SEL1L3: variants seen among roughly 807,000 people sequenced by gnomAD.
SEL1L3 encodes protein sel-1 homolog 3.
A neutral mutation model predicts 142.8 loss-of-function variants in SEL1L3; 76 were observed. The observed-to-expected ratio is 0.53, with a 90% CI of 0.44 to 0.64. The LOEUF (loss-of-function observed/expected upper bound fraction) is 0.64. Ranked by LOEUF, SEL1L3 falls within the 30% of genes least tolerant of loss-of-function variation. The pLI is 0.00. For synonymous variants in SEL1L3, 504 were observed against 519.6 expected (o/e 0.97, Z 0.41); for missense variants, 1,262 against 1,381.7 (o/e 0.91, Z 1.37).
intron 5 of SEL1L3, among the ~76,000 whole-genome samples, chr4:25,830,589 T>C (rs1018059426): frequency 6.6e-6 from 1 of 152,186 alleles, no homozygotes; most frequent in Non-Finnish European, 1.5e-5. Context: ...CCCACCTCCC[T>C]TTCCCTAAGC....
At chr4:25,794,057 A>G (rs983381306) in intron 11 of SEL1L3, among the ~76,000 whole-genome samples, 37 of 152,366 alleles carry the variant, frequency 2.4e-4, no homozygotes, top group African/African-American at 8.2e-4. Flanking sequence ...TGTAAAACCC[A>G]AAACTACAAA....
At chr4:25,759,725 G>C (rs929232494) in intron 20 of SEL1L3, 2 of 152,150 alleles carry the variant, frequency 1.3e-5, no homozygotes, top group African/African-American at 4.8e-5. Flanking sequence ...ACAGTTAGAG[G>C]GCCCGACCAA....
chr4:25,748,964 G>C lies in SEL1L3; in HGVS notation c.3260-400C>G, dbSNP rs147801937. ...ATAGGAGAGTGATGGGGAGGGGCAGGATGTTGTAGAATGATGTACCCTTTC... is the reference window on the plus strand; with the variant it reads ...ATAGGAGAGTGATGGGGAGGGGCAGCATGTTGTAGAATGATGTACCCTTTC... On this transcript the variant is annotated intron_variant, in intron 23 of 23. Transcript: ENST00000399878. Among the ~76,000 whole-genome samples, 761 of 152,262 alleles carry C rather than the reference G, an allele frequency of 5.0e-3. 7 individuals carry two copies. The highest frequency in any genetic ancestry group is 0.017 in the African/African-American group (696 of 41,540).
intron 6 of SEL1L3, among the ~76,000 whole-genome samples, chr4:25,824,952 AT>A (rs1714997320): frequency 6.6e-6 from 1 of 152,202 alleles, no homozygotes; most frequent in South Asian, 2.1e-4. Flanking sequence ...CTTTGCTTTC[AT>A]TTGGAAGAAA....
the SEL1L3 span, among the ~76,000 whole-genome samples, chr4:25,738,984 T>C: frequency 6.6e-6 from 1 of 151,694 alleles, no homozygotes; most frequent in African/African-American, 2.4e-5. Context: ...GGCGGGCAGA[T>C]TACAAGGTCA....
At chr4:25,750,680 C>A (rs995323291) in intron 23 of SEL1L3, among the ~76,000 whole-genome samples, 2 of 152,144 alleles carry the variant, frequency 1.3e-5, no homozygotes, top group Non-Finnish European at 2.9e-5. Context: ...CTCATGAAAT[C>A]TCTCTGACTA....
intron 2 of SEL1L3, among the ~76,000 whole-genome samples, chr4:25,843,648 G>T (rs74392400): frequency 0.015 from 2,320 of 152,338 alleles, 51 homozygotes; most frequent in African/African-American, 0.051. Flanking sequence ...TCTGCCTATG[G>T]CTACATATGC....
rs375033183 is a variant in SEL1L3, at chr4:25,793,766, T to C, written c.1957-3192A>G. Among the ~76,000 whole-genome samples, 10 of 152,302 alleles carry C rather than the reference T, an allele frequency of 6.6e-5. No homozygotes were observed. The East Asian group carries it at 1.5e-3, about 23-fold the overall frequency. On this transcript the variant is annotated intron_variant, in intron 11 of 23. Transcript: ENST00000399878. ...CTGCTACATCAAAGGCACCAACCTA[T>C]GAGCCATTCTTTTTCACTGTGCAAA... is the stretch of plus-strand genomic sequence containing the variant.
At chr4:25,767,220 G>A (rs1294494010) in intron 19 of SEL1L3, among the ~76,000 whole-genome samples, 1 of 152,166 alleles carries the variant, frequency 6.6e-6, no homozygotes, top group Non-Finnish European at 1.5e-5. Context: ...GGGAGGTGGA[G>A]GTTGCACTGA....
chr4:25,804,424 G>A, intron 10 of SEL1L3, 117 bp downstream of exon 10: 1 of 748,636 alleles, frequency 1.3e-6, no homozygotes, highest in Non-Finnish European at 2.3e-6. Flanking sequence ...TGAGTGTAAA[G>A]ATTTTTAAAG....
chr4:25,741,996 G>C, the SEL1L3 span, among the ~76,000 whole-genome samples: 4 of 151,612 alleles, frequency 2.6e-5, no homozygotes, highest in African/African-American at 9.7e-5. Context: ...AGTTTTAGTA[G>C]AGATGGGGTT....
chr4:25,861,849 G>C, intron 1 of SEL1L3: 1 of 152,074 alleles, frequency 6.6e-6, no homozygotes, highest in East Asian at 1.9e-4. Context: ...AGCCCTCAAA[G>C]GAACTGAGAA....
the SEL1L3 span, among the ~76,000 whole-genome samples, chr4:25,730,232 C>A: frequency 1.3e-5 from 2 of 152,070 alleles, no homozygotes; most frequent in Non-Finnish European, 2.9e-5. Flanking sequence ...CTACTGAATG[C>A]CTTCAAATAT....
rs1306003808 is a variant in SEL1L3, at chr4:25,862,840, G to A, written c.-4C>T. ...GCCCCGCGCCGCGCCGCTGCATGGC[G>A]AGGCCGCCCGGATCCGGGCCGGAAC... On this transcript the variant is annotated 5_prime_UTR_variant, in exon 1 of 24. Transcript: ENST00000399878. 2 of 1,112,084 alleles carry A rather than the reference G, an allele frequency of 1.8e-6. No individual in the cohort carries two copies. The highest frequency in any genetic ancestry group is 1.1e-6 in the Non-Finnish European group (1 of 912,832). 68.9% of individuals were successfully genotyped at this position (1,112,084 alleles called of 1,614,324 possible).
chr4:25,775,924 G>C (rs1269342507), intron 17 of SEL1L3, among the ~76,000 whole-genome samples: 1 of 151,996 alleles, frequency 6.6e-6, no homozygotes, highest in Non-Finnish European at 1.5e-5. Context: ...CTGTGGCCTG[G>C]AAATAAAAAG....
At chr4:25,851,070 C>T (rs916986220) in intron 1 of SEL1L3, among the ~76,000 whole-genome samples, 3 of 152,032 alleles carry the variant, frequency 2.0e-5, no homozygotes, top group South Asian at 2.1e-4. Context: ...AGGCTGGTCT[C>T]GAACTCCTGA....
intron 11 of SEL1L3, among the ~76,000 whole-genome samples, chr4:25,794,639 T>C (rs543603012): frequency 5.3e-5 from 8 of 152,264 alleles, no homozygotes; most frequent in South Asian, 2.1e-4. Context: ...GTTCAACCAT[T>C]GTGGAAGACA....
chr4:25,793,747 C>T (rs928571281), intron 11 of SEL1L3, among the ~76,000 whole-genome samples: 3 of 152,214 alleles, frequency 2.0e-5, no homozygotes, highest in African/African-American at 4.8e-5. Context: ...GCATCTGCTA[C>T]ATCAAAGGCA....
chr4:25,785,073 G>A (rs1326168492), intron 13 of SEL1L3, among the ~76,000 whole-genome samples: 1 of 152,132 alleles, frequency 6.6e-6, no homozygotes, highest in African/African-American at 2.4e-5. Context: ...AACCACTGCT[G>A]CTTCCAAACT....
Sources: allele counts gnomAD v4.1 joint callset (sites outside exome capture counted in the v4.1 genomes callset), GRCh38; gene constraint gnomAD v4.1.1; transcripts MANE v1.5; gene names NCBI Gene and HGNC (gene_info 2026-07-23, HGNC 2026-07-21).